Variants in TTC28 observed in about 807,000 individuals in gnomAD.
TTC28 encodes the protein tetratricopeptide repeat protein 28.
Under a neutral mutation model 198.0 loss-of-function variants are expected in TTC28, and 61 were observed. The observed-to-expected ratio is 0.31, with a 90% CI of 0.25 to 0.38. The LOEUF (loss-of-function observed/expected upper bound fraction) is 0.38. Among genes scored for constraint, TTC28 ranks in the 10% least tolerant of loss-of-function variants. TTC28 has a pLI of 1.00. For synonymous variants in TTC28, 1,171 were observed against 1,297.8 expected, an observed-to-expected ratio of 0.90 and a Z score of 2.10; for missense variants, 2,678 against 3,164.0, an observed-to-expected ratio of 0.85 and a Z score of 3.69.
intron 2 of TTC28, among the ~76,000 whole-genome samples, chr22:28,444,155 C>A (rs1237082136): frequency 1.3e-5 from 2 of 152,100 alleles, no homozygotes; most frequent in Admixed American, 1.3e-4. Flanking sequence ...TTATATAATT[C>A]TACTATTTAT....
At chr22:28,599,961 C>G (rs1212279201) in intron 2 of TTC28, among the ~76,000 whole-genome samples, 1 of 152,168 alleles carries the variant, frequency 6.6e-6, no homozygotes, top group Non-Finnish European at 1.5e-5. Context: ...TTCTTCCATT[C>G]TTCCTTTCAA....
intron 5 of TTC28, among the ~76,000 whole-genome samples, chr22:28,241,978 C>CA (rs1290876966): frequency 6.6e-6 from 1 of 151,336 alleles, no homozygotes; most frequent in Admixed American, 6.6e-5. Flanking sequence ...AAGAGATGGC[C>CA]AAAAAAAGAC....
chr22:28,373,255 GAA>G (rs562007208), intron 2 of TTC28, among the ~76,000 whole-genome samples: 2 of 135,684 alleles, frequency 1.5e-5, no homozygotes. Context: ...TACAAATGTT[GAA>G]AAAAAAAAAA....
At chr22:28,164,457 A>G (rs1206284939) in intron 5 of TTC28, among the ~76,000 whole-genome samples, 1 of 152,200 alleles carries the variant, frequency 6.6e-6, no homozygotes, top group African/African-American at 2.4e-5. Context: ...TTCCAGAGGA[A>G]CGATCAGGCA....
intron 2 of TTC28, among the ~76,000 whole-genome samples, chr22:28,552,635 G>A (rs2049695708): frequency 2.6e-5 from 4 of 152,054 alleles, no homozygotes; most frequent in Non-Finnish European, 4.4e-5. Context: ...GGGAAAGGAC[G>A]ACCTATTCAA....
intron 6 of TTC28, among the ~76,000 whole-genome samples, chr22:28,123,955 C>A (rs1449590532): frequency 6.6e-6 from 1 of 152,110 alleles, no homozygotes; most frequent in African/African-American, 2.4e-5. Context: ...TGCACTCCAA[C>A]CTGGGTGACA....
intron 5 of TTC28, among the ~76,000 whole-genome samples, chr22:28,222,876 C>G (rs372314738): frequency 3.3e-5 from 5 of 152,264 alleles, no homozygotes; most frequent in East Asian, 3.9e-4. Flanking sequence ...GAAATGGGAA[C>G]AAATTATGCA....
chr22:28,074,753 C>G (rs546719745), intron 12 of TTC28, among the ~76,000 whole-genome samples: 3 of 152,302 alleles, frequency 2.0e-5, no homozygotes, highest in Non-Finnish European at 4.4e-5. Flanking sequence ...TTATCCCCCC[C>G]CATGTACAAT....
chr22:28,004,323 A>T (rs1937843771), intron 14 of TTC28, among the ~76,000 whole-genome samples: 1 of 152,252 alleles, frequency 6.6e-6, no homozygotes. Context: ...ATTGAGAGGC[A>T]GCCTGCCTGC....
At chr22:28,063,766 A>G (rs901913137) in intron 12 of TTC28, among the ~76,000 whole-genome samples, 8 of 151,986 alleles carry the variant, frequency 5.3e-5, no homozygotes, top group Non-Finnish European at 1.2e-4. Flanking sequence ...TTTCTACCAC[A>G]TGTCTCTGTA....
chr22:28,553,391 G>A (rs948943017), intron 2 of TTC28, among the ~76,000 whole-genome samples: 1 of 151,684 alleles, frequency 6.6e-6, no homozygotes, highest in Non-Finnish European at 1.5e-5. Context: ...GAGCGTCTCT[G>A]CCCGGCCGCC....
intron 5 of TTC28, among the ~76,000 whole-genome samples, chr22:28,207,694 G>A (rs535574246): frequency 2.0e-5 from 3 of 152,230 alleles, no homozygotes; most frequent in South Asian, 2.1e-4. Flanking sequence ...GAGAGCTAAC[G>A]CAGAGACATG....
intron 22 of TTC28, 48 bp from the exon 23 acceptor site, chr22:27,983,899 GTT>G (rs1335809245): frequency 6.7e-7 from 1 of 1,496,224 alleles, no homozygotes; most frequent in Admixed American, 2.6e-5. Flanking sequence ...ATTCTATATG[GTT>G]TTGATTTTTC....
intron 5 of TTC28, among the ~76,000 whole-genome samples, chr22:28,221,084 G>C (rs1054637216): frequency 6.6e-6 from 1 of 152,156 alleles, no homozygotes; most frequent in Non-Finnish European, 1.5e-5. Context: ...GGTGACGATG[G>C]TGTGGCTCCA....
chr22:28,503,489 T>C (rs1461190414), intron 2 of TTC28, among the ~76,000 whole-genome samples: 2 of 152,204 alleles, frequency 1.3e-5, no homozygotes, highest in African/African-American at 4.8e-5. Flanking sequence ...TACAACTTAC[T>C]AAGTAAATTT....
At chr22:28,599,325 C>T (rs2050599408) in intron 2 of TTC28, among the ~76,000 whole-genome samples, 1 of 152,172 alleles carries the variant, frequency 6.6e-6, no homozygotes, top group South Asian at 2.1e-4. Context: ...AATTCTGAAC[C>T]TTTGGTAACT....
chr22:28,060,258 C>T (rs917040951), intron 12 of TTC28, among the ~76,000 whole-genome samples: 1 of 152,166 alleles, frequency 6.6e-6, no homozygotes, highest in Non-Finnish European at 1.5e-5. Context: ...TCCCCCAACC[C>T]CACGACAGGC....
In TTC28 at chr22:28,031,597, T is replaced by G. The variant is rs549538250; in HGVS notation, c.3933-1231A>C. Reference sequence around the variant, plus strand: ...CATGACCCACTTCAAATGGCCAAGCTGGCGACACCTGTGACAGAGAAGGGA... The same window carrying G: ...CATGACCCACTTCAAATGGCCAAGCGGGCGACACCTGTGACAGAGAAGGGA... On this transcript the variant is annotated intron_variant, in intron 12 of 22. Coordinates refer to ENST00000397906, the MANE Select transcript of TTC28 (RefSeq NM_001145418.2). 1.8e-3 allele frequency among the ~76,000 whole-genome samples: 280 copies of G among 152,294 alleles called. 2 individuals are homozygous for G. Among genetic ancestry groups the G allele is most frequent in the African/African-American group, 6.4e-3 (267 of 41,560 alleles).
At chr22:28,470,696 CTAAAGAATTGGAGT>C in intron 2 of TTC28, among the ~76,000 whole-genome samples, 2 of 152,120 alleles carry the variant, frequency 1.3e-5, no homozygotes, top group Middle Eastern at 6.8e-3. Context: ...ACATTTTGCC[CTAAAGAATTGGAGT>C]CCAAGAAAAG....
Sources: allele counts gnomAD v4.1 joint callset (sites outside exome capture counted in the v4.1 genomes callset), GRCh38; gene constraint gnomAD v4.1.1; transcripts MANE v1.5; gene names NCBI Gene and HGNC (gene_info 2026-07-23, HGNC 2026-07-21).